UNG: variants seen among roughly 807,000 people sequenced by gnomAD.
The protein encoded by UNG is uracil-DNA glycosylase.
Under a neutral mutation model 36.5 loss-of-function variants are expected in UNG, and 34 were observed. The ratio of observed to expected loss-of-function variants is 0.93; its 90% confidence interval spans 0.71 to 1.24. UNG has a LOEUF of 1.24. Among genes scored for constraint, UNG ranks in the 50% most tolerant of loss-of-function variants. The pLI, the probability that UNG is intolerant of heterozygous loss-of-function variation, is 0.00. For synonymous variants in UNG, 172 were observed against 157.8 expected, an observed-to-expected ratio of 1.09 and a Z score of -0.67; for missense variants, 391 against 397.6, an observed-to-expected ratio of 0.98 and a Z score of 0.14.
At chr12:109,106,916 T>TATATACATATATACACATATATATAC (rs1491420686) in intron 6 of UNG, among the ~76,000 whole-genome samples, 6 of 40,148 alleles carry the variant, frequency 1.5e-4, no homozygotes, top group South Asian at 8.3e-4. Flanking sequence ...TATATATATA[T>TATATACATATATACACATATATATAC]GTGTATATAT....
intron 3 of UNG, 22 bp from the exon 4 acceptor site, chr12:109,101,880 C>T: frequency 1.2e-6 from 2 of 1,606,628 alleles, no homozygotes; most frequent in Non-Finnish European, 1.7e-6. Context: ...TTGTTTAATT[C>T]CTGACCCCTG....
intron 2 of UNG, 100 bp downstream of exon 2, chr12:109,098,738 A>G: frequency 2.0e-6 from 3 of 1,514,076 alleles, no homozygotes; most frequent in Non-Finnish European, 2.7e-6. Flanking sequence ...CCGTAGGCTT[A>G]GGTTGTACCC....
chr12:109,106,916 T>TATATACATATATACACATATATATATAC (rs1491420686), intron 6 of UNG, among the ~76,000 whole-genome samples: 7 of 40,140 alleles, frequency 1.7e-4, no homozygotes, highest in South Asian at 8.4e-4. Flanking sequence ...TATATATATA[T>TATATACATATATACACATATATATATAC]GTGTATATAT....
chr12:109,102,945 A>G lies in UNG; in HGVS notation c.622+18A>G, dbSNP rs2042189229. 3 of 1,104,538 alleles carry G rather than the reference A, an allele frequency of 2.7e-6. No individual in the cohort carries two copies. Among genetic ancestry groups the G allele is most frequent in the East Asian group, 2.5e-5 (1 of 39,578 alleles). 68.4% of individuals were successfully genotyped at this position (1,104,538 alleles called of 1,614,324 possible). A position where few individuals can be genotyped will look rare whatever the true frequency, so the allele number is the denominator to read the frequency against. The stretch of plus-strand genomic sequence containing the variant: ...CAAGCAAGGTAAGCCAGCGACTGCT[A>G]GATTTTTTTTTTTTTTTTTTTTTTG... On this transcript the variant is annotated intron_variant, in intron 5 of 6. Coordinates refer to ENST00000242576, the MANE Select transcript of UNG (RefSeq NM_080911.3).
rs1318382406 is a variant in UNG at position 109,098,556 on chromosome 12, C to A, written c.257C>A (p.Ala86Glu). ...AAGGCCGCGGCCCTGCTCAGACTCG[C>A]GGCCCGCAACGTGCCCGTGGGCTTT... ...RNKAAALLRL[A>E]ARNVPVGFGE... The change falls in exon 2 of 7, where the codon GCG (alanine) becomes GAG (glutamate). Residue 86 changes from alanine (A) to glutamate (E), a missense_variant. Ala to Glu is a moderately radical substitution (Grantham distance 107, BLOSUM62 -1). Coordinates refer to ENST00000242576, the MANE Select transcript of UNG (RefSeq NM_080911.3). The A allele has an allele frequency of 1.2e-6, 2 of 1,613,204 alleles. No homozygotes were observed. Among genetic ancestry groups the A allele is most frequent in the African/African-American group, 1.3e-5 (1 of 75,052 alleles).
rs1170163453 is a variant in UNG at position 109,110,350 on chromosome 12, A to G, written c.*381A>G. The G allele has an allele frequency of 1.8e-5, 5 of 280,686 alleles. No homozygotes were observed. The East Asian group carries it at 4.1e-4, about 23-fold the overall frequency. The allele number at this position is 280,686 out of a possible 1,614,324, so 17.4% of individuals were successfully genotyped here. A position where few individuals can be genotyped will look rare whatever the true frequency, so the allele number is the denominator to read the frequency against. ...GTTTTGCCTGGTTAGACTTTCAGTG[A>G]CAGATGTTGGGGTGTTTTTGCTTAG... On this transcript the variant is annotated 3_prime_UTR_variant, in exon 7 of 7. Coordinates refer to ENST00000242576, the MANE Select transcript of UNG (RefSeq NM_080911.3).
chr12:109,108,758 G>T (rs1402439022), intron 6 of UNG, among the ~76,000 whole-genome samples: 3 of 152,236 alleles, frequency 2.0e-5, no homozygotes, highest in Admixed American at 6.5e-5. Flanking sequence ...AGTCTTCTGT[G>T]TAGCTAGGAC....
At chr12:109,106,296 G>A (rs1344951064) in intron 6 of UNG, among the ~76,000 whole-genome samples, 1 of 152,134 alleles carries the variant, frequency 6.6e-6, no homozygotes, top group Non-Finnish European at 1.5e-5. Context: ...GCTACTGAGG[G>A]TAGAGGTAGG....
chr12:109,104,602 C>CT (rs1341585516), intron 6 of UNG, among the ~76,000 whole-genome samples: 4 of 152,152 alleles, frequency 2.6e-5, no homozygotes, highest in African/African-American at 9.7e-5. Flanking sequence ...CACTGCTGCC[C>CT]TTCAGGCATG....
rs2042162328 is a variant in UNG, at chr12:109,099,622, A to C, written c.435+338A>C. 2.6e-5 allele frequency among the ~76,000 whole-genome samples: 4 copies of C among 151,990 alleles called. No homozygotes were observed. The South Asian group carries it at 8.3e-4, about 31-fold the overall frequency. The stretch of plus-strand genomic sequence containing the variant: ...AGTTAAATCTTTTGCAGCTTGTTAT[A>C]GTCAACCCCACCTTGACCTGACCAC... On this transcript the variant is annotated intron_variant, in intron 3 of 6. Coordinates refer to ENST00000242576, the MANE Select transcript of UNG (RefSeq NM_080911.3).
intron 5 of UNG, among the ~76,000 whole-genome samples, chr12:109,103,130 A>G (rs2042190862): frequency 6.6e-6 from 1 of 151,664 alleles, no homozygotes; most frequent in Non-Finnish European, 1.5e-5. Context: ...TTTTTAATGT[A>G]TTTTTAGTAG....
intron 3 of UNG, 196 bp downstream of exon 3, chr12:109,099,480 A>C (rs2042160634): frequency 3.3e-6 from 2 of 597,314 alleles, no homozygotes; most frequent in Non-Finnish European, 5.9e-6. Flanking sequence ...TGTGGCAAAA[A>C]GGAAAACTAT....
rs1384632887 is a variant in UNG at position 109,097,618 on chromosome 12, C to G, written c.-62C>G. ...CGCCAATTGCTGACCGCCACAGCCACAGCCAGGGCTAGCCTCGCCGGTTCC... is the reference window on the plus strand; with the variant it reads ...CGCCAATTGCTGACCGCCACAGCCAGAGCCAGGGCTAGCCTCGCCGGTTCC... On this transcript the variant is annotated 5_prime_UTR_variant, in exon 1 of 7. Coordinates refer to ENST00000242576, the MANE Select transcript of UNG (RefSeq NM_080911.3). 6.4e-7 allele frequency: 1 copy of G among 1,574,270 alleles called. No individual in the cohort carries two copies. The highest frequency in any genetic ancestry group is 8.6e-7 in the Non-Finnish European group (1 of 1,159,942).
Position 109,103,576 on chromosome 12 carries a change from T to A in UNG, c.766T>A (p.Ser256Thr), listed in dbSNP as rs780279184. ...SNGLVFLLWG[S>T]YAQKKGSAID... The stretch of plus-strand genomic sequence containing the variant: ...TGGCCTTGTTTTCTTGCTCTGGGGC[T>A]CTTATGCTCAGAAGAAGGGCAGTGC... Residue 256 changes from serine (S) to threonine (T), a missense_variant, in exon 6 of 7, where the codon TCT becomes ACT. Physicochemically the swap from Ser to Thr is moderately conservative, Grantham distance 58. Coordinates refer to ENST00000242576, the MANE Select transcript of UNG (RefSeq NM_080911.3). 2 of 1,613,852 alleles carry A rather than the reference T, an allele frequency of 1.2e-6. No individual in the cohort carries two copies. Among genetic ancestry groups the A allele is most frequent in the Admixed American group, 3.3e-5 (2 of 59,992 alleles).
chr12:109,100,066 C>CAA (rs924812321), intron 3 of UNG, among the ~76,000 whole-genome samples: 1 of 147,492 alleles, frequency 6.8e-6, no homozygotes, highest in African/African-American at 2.5e-5. Flanking sequence ...TGTCTCAAAA[C>CAA]AAAAAAAAAA....
rs1413472788 is a variant in UNG at position 109,110,554 on chromosome 12, G to A, written c.*585G>A. On this transcript the variant is annotated 3_prime_UTR_variant, in exon 7 of 7. Transcript: ENST00000242576. ...CCTGATTGTAGTAGAGGTTAAGATT[G>A]CTGTGAGCTTTATCAGATAAGAGAC... 1 of 157,080 alleles carries A rather than the reference G, an allele frequency of 6.4e-6. No homozygotes were observed. Among genetic ancestry groups the A allele is most frequent in the Non-Finnish European group, 1.4e-5 (1 of 70,810 alleles). 9.7% of individuals were successfully genotyped at this position (157,080 alleles called of 1,614,324 possible).
At position 109,103,500 on chromosome 12, in the gene UNG, C is replaced by T. The variant is rs571545947; in HGVS notation, c.690C>T (p.Gly230=). Reference sequence around the variant, plus strand: ...AAGCCAACTCTCATAAGGAGCGAGGCTGGGAGCAGTTCACTGATGCAGTTG... The same window carrying T: ...AAGCCAACTCTCATAAGGAGCGAGGTTGGGAGCAGTTCACTGATGCAGTTG... The part of the protein sequence containing the change: ...AHQANSHKER[G]WEQFTDAVVS... The change falls in exon 6 of 7, where the codon GGC becomes GGT. Residue 230 remains glycine, a synonymous_variant. Coordinates refer to ENST00000242576, the MANE Select transcript of UNG (RefSeq NM_080911.3). The T allele has an allele frequency of 6.2e-6, 10 of 1,614,124 alleles. No homozygotes were observed. The highest frequency in any genetic ancestry group is 8.5e-6 in the Non-Finnish European group (10 of 1,180,050).
rs777832715 is a variant in UNG at position 109,099,138 on chromosome 12, T to TA, written c.340-50dup. The TA allele has an allele frequency of 5.9e-6, 9 of 1,520,796 alleles. No homozygotes were observed. The African/African-American group carries it at 1.1e-4, about 19-fold the overall frequency. 94.2% of individuals were successfully genotyped at this position (1,520,796 alleles called of 1,614,324 possible). ...ACTAGAAGCTTTCTTATTGAATTCT[T>TA]ATGGTTTCCAATGAGAATCTGATTT... On this transcript the variant is annotated intron_variant, in intron 2 of 6. Coordinates refer to ENST00000242576, the MANE Select transcript of UNG (RefSeq NM_080911.3).
At chr12:109,106,022 G>T (rs1344152369) in intron 6 of UNG, among the ~76,000 whole-genome samples, 1 of 152,154 alleles carries the variant, frequency 6.6e-6, no homozygotes, top group Non-Finnish European at 1.5e-5. Context: ...CCCTGCCTTT[G>T]CATATCCTGC....
Sources: gnomAD v4.1 joint callset for allele counts (sites outside exome capture counted in the v4.1 genomes callset) on GRCh38, gnomAD v4.1.1 for gene constraint, MANE v1.5 for transcripts, NCBI Gene and HGNC (gene_info 2026-07-23, HGNC 2026-07-21) for gene names.